The following DAB1 variants were observed in gnomAD, a reference collection of about 807,000 sequenced individuals.
The protein encoded by DAB1 is disabled homolog 1.
In DAB1, 15 loss-of-function variants were observed where a neutral mutation model predicts 64.6. The ratio of observed to expected loss-of-function variants is 0.23; its 90% CI spans 0.16 to 0.36. The LOEUF (loss-of-function observed/expected upper bound fraction) is 0.36, where lower values mean the gene tolerates loss of function less well. Among genes scored for constraint, DAB1 ranks in the 10% least tolerant of loss-of-function variants. DAB1 has a pLI of 1.00. For missense variants in DAB1, 596 were observed against 706.7 expected (o/e 0.84, Z 1.78); for synonymous variants, 235 against 251.9 (o/e 0.93, Z 0.64).
At chr1:57,289,106 T>A (rs911471630) in intron 2 of DAB1, among the ~76,000 whole-genome samples, 1 of 151,938 alleles carries the variant, frequency 6.6e-6, no homozygotes, top group African/African-American at 2.4e-5. Context: ...GATTTCAGAG[T>A]TTTTTTAGGA....
chr1:57,984,245 AAAGAAAGAAAGAAAG>A (rs1646149916), intron 5 of DAB1, among the ~76,000 whole-genome samples: 1 of 149,354 alleles, frequency 6.7e-6, no homozygotes, highest in Non-Finnish European at 1.5e-5. Context: ...AGAAAGAAAG[AAAGAAAGAAAGAAAG>A]AAAAAAAATT....
At chr1:58,377,817 C>G (rs1644343910) in intron 3 of DAB1, among the ~76,000 whole-genome samples, 2 of 139,822 alleles carry the variant, frequency 1.4e-5, no homozygotes, top group Non-Finnish European at 3.2e-5. Context: ...TCAGGTACAC[C>G]AATCAGACGT....
intron 2 of DAB1, among the ~76,000 whole-genome samples, chr1:57,212,126 C>T (rs1428685448): frequency 1.3e-5 from 2 of 152,054 alleles, no homozygotes; most frequent in African/African-American, 4.8e-5. Flanking sequence ...AGTGGTCTGC[C>T]TCCTAAACCT....
chr1:58,025,769 T>C (rs1646886358), intron 5 of DAB1, among the ~76,000 whole-genome samples: 1 of 150,554 alleles, frequency 6.6e-6, no homozygotes, highest in Non-Finnish European at 1.5e-5. Context: ...GGTCCCCCTG[T>C]TAACTATCAA....
At position 58,220,991 on chromosome 1, in the gene DAB1, ATTTT is replaced by A. The variant is rs10714614; in HGVS notation, n.310-70407_310-70404del. On this transcript the variant is annotated intron_variant and non_coding_transcript_variant, in intron 4 of 20. Transcript: ENST00000485760. ...GCCCAGGTGGAAAGCTATGAGATTGATTTTTTTTTTTTTTTTTTTTTTTACCCCA... is the reference window on the plus strand; with the variant it reads ...GCCCAGGTGGAAAGCTATGAGATTGATTTTTTTTTTTTTTTTTTTACCCCA... 6.2e-3 allele frequency among the ~76,000 whole-genome samples: 758 copies of A among 122,132 alleles called. 5 individuals carry two copies. Among genetic ancestry groups the A allele is most frequent in the African/African-American group, 0.016 (526 of 32,576 alleles). 80.1% of individuals were successfully genotyped at this position (122,132 alleles called of 152,430 possible). A position where few individuals can be genotyped will look rare whatever the true frequency, so the allele number is the denominator to read the frequency against.
rs765956624 is a variant in DAB1, at chr1:57,667,879, G to T, written n.552-18214C>A. Among the ~76,000 whole-genome samples the T allele has an allele frequency of 2.0e-5, 3 of 152,004 alleles. No individual in the cohort carries two copies. In the South Asian group the frequency reaches 6.2e-4, roughly 32 times the overall value. On this transcript the variant is annotated intron_variant and non_coding_transcript_variant, in intron 6 of 20. Coordinates refer to the DAB1 transcript ENST00000485760. ...CAACACACACTGGGGCCTGTCAGGG[G>T]TTGGAGAGCAAGGGGAGGGAGAGCA...
intron 4 of DAB1, among the ~76,000 whole-genome samples, chr1:58,308,606 C>A (rs1015527737): frequency 1.3e-5 from 2 of 152,156 alleles, no homozygotes; most frequent in Non-Finnish European, 2.9e-5. Flanking sequence ...TAGCATCCAG[C>A]CACTCTGAAT....
intron 3 of DAB1, among the ~76,000 whole-genome samples, chr1:58,438,814 AC>A (rs1644973758): frequency 6.6e-6 from 1 of 152,172 alleles, no homozygotes; most frequent in South Asian, 2.1e-4. Context: ...CACCTAAATC[AC>A]CCTCTAACTT....
intron 4 of DAB1, among the ~76,000 whole-genome samples, chr1:58,314,689 C>G (rs1662513171): frequency 6.6e-6 from 1 of 152,176 alleles, no homozygotes; most frequent in Non-Finnish European, 1.5e-5. Context: ...CAGCTGGTGA[C>G]TACTGGCACT....
At chr1:58,539,124 C>T in intron 1 of DAB1, 1 of 872,966 alleles carries the variant, frequency 1.1e-6, no homozygotes, top group Non-Finnish European at 2.0e-6. Context: ...ACCTGTCACA[C>T]TGATTTACTC....
At chr1:58,115,852 G>T (rs1300079836) in intron 5 of DAB1, among the ~76,000 whole-genome samples, 3 of 115,742 alleles carry the variant, frequency 2.6e-5, no homozygotes, top group Admixed American at 9.2e-5. Context: ...GTCGGGGGAG[G>T]GGGGAGGGAT....
intron 3 of DAB1, among the ~76,000 whole-genome samples, chr1:58,375,899 G>A (rs1377963853): frequency 7.0e-6 from 1 of 143,750 alleles, no homozygotes; most frequent in African/African-American, 2.5e-5. Context: ...CTTCTTCCTG[G>A]TTTAGTCTTG....
At chr1:57,077,689 T>C (rs1309462187) in intron 4 of DAB1, among the ~76,000 whole-genome samples, 2 of 152,166 alleles carry the variant, frequency 1.3e-5, no homozygotes, top group Non-Finnish European at 2.9e-5. Context: ...ACAGAATAAA[T>C]TACAGAGAAG....
intron 3 of DAB1, among the ~76,000 whole-genome samples, chr1:58,365,348 T>A (rs1644206938): frequency 6.6e-6 from 1 of 152,232 alleles, no homozygotes; most frequent in Non-Finnish European, 1.5e-5. Flanking sequence ...CCTCAAGGAA[T>A]GCTTACTGCC....
intron 7 of DAB1, among the ~76,000 whole-genome samples, chr1:57,641,819 CCTT>C (rs1475564752): frequency 6.6e-6 from 1 of 152,118 alleles, no homozygotes; most frequent in Non-Finnish European, 1.5e-5. Context: ...CATCCTGTAT[CCTT>C]CTCTTCCTCC....
chr1:57,280,673 C>T (rs543396827), intron 2 of DAB1, among the ~76,000 whole-genome samples: 1 of 152,172 alleles, frequency 6.6e-6, no homozygotes, highest in African/African-American at 2.4e-5. Flanking sequence ...GCTCTTACTA[C>T]CAATATGGCC....
At chr1:57,372,468 C>G (rs1981891) in intron 1 of DAB1, among the ~76,000 whole-genome samples, 17,673 of 152,232 alleles carry the variant, frequency 0.12, 1,150 homozygotes, top group Admixed American at 0.15. Context: ...CACTTTGGAG[C>G]CTGCATGTTC....
At position 58,358,193 on chromosome 1, in the gene DAB1, G is replaced by A. The variant is rs144937474; in HGVS notation, n.258-14790C>T. 1.4e-3 allele frequency among the ~76,000 whole-genome samples: 219 copies of A among 152,284 alleles called. 2 individuals carry two copies. In the Middle Eastern group the frequency reaches 0.027, roughly 19 times the overall value. ...TGGTAGAGGGGGAGCAGGAAAATGTGGGGATAGGATGTTTTGGCTAAGCTT... is the reference window on the plus strand; with the variant it reads ...TGGTAGAGGGGGAGCAGGAAAATGTAGGGATAGGATGTTTTGGCTAAGCTT... On this transcript the variant is annotated intron_variant and non_coding_transcript_variant, in intron 3 of 20. Transcript: ENST00000485760.
chr1:57,032,840 C>T (rs1647007486), intron 9 of DAB1, among the ~76,000 whole-genome samples: 1 of 152,208 alleles, frequency 6.6e-6, no homozygotes, highest in South Asian at 2.1e-4. Flanking sequence ...ATGTTGACTG[C>T]AACCAATATA....
Sources: gnomAD v4.1 joint callset for allele counts (sites outside exome capture counted in the v4.1 genomes callset) on GRCh38, gnomAD v4.1.1 for gene constraint, MANE v1.5 for transcripts, NCBI Gene and HGNC (gene_info 2026-07-23, HGNC 2026-07-21) for gene names.